C1QTNF1: variants seen among roughly 807,000 people sequenced by gnomAD.
C1QTNF1 encodes the protein C1q and TNF related 1, also known as complement C1q tumor necrosis factor-related protein 1.
A neutral mutation model predicts 27.8 loss-of-function variants in C1QTNF1; 22 were observed. That is an observed-to-expected ratio of 0.79 (90% CI 0.56 to 1.13). The LOEUF (loss-of-function observed/expected upper bound fraction) is 1.13, where lower values mean the gene tolerates loss of function less well. Among genes scored for constraint, C1QTNF1 ranks in the 50% most tolerant of loss-of-function variants. C1QTNF1 has a pLI of 0.00. For synonymous variants in C1QTNF1, 166 were observed against 154.3 expected, an observed-to-expected ratio of 1.08 and a Z score of -0.56; for missense variants, 373 against 380.2, an observed-to-expected ratio of 0.98 and a Z score of 0.16.
rs1007499706 is a variant in C1QTNF1 at position 79,037,110 on chromosome 17, C to T, written c.-14-6845C>T. Among the ~76,000 whole-genome samples, 4 of 152,044 alleles carry T rather than the reference C, an allele frequency of 2.6e-5. No individual in the cohort carries two copies. In the South Asian group the frequency reaches 8.3e-4, roughly 32 times the overall value. On this transcript the variant is annotated intron_variant, in intron 1 of 3. Transcript: ENST00000579760. ...CCCACTTATTTGTTTATTTATTCAC[C>T]ATGCCCAGCTATTTTTTTGTTTTTG...
chr17:79,038,964 G>C (rs1599295009), intron 1 of C1QTNF1, among the ~76,000 whole-genome samples: 1 of 152,218 alleles, frequency 6.6e-6, no homozygotes, highest in African/African-American at 2.4e-5. Flanking sequence ...CTTTTGAGGA[G>C]AGCCACCACC....
chr17:79,023,704 G>GCGTGCGCACACACA (rs1267428917), upstream of C1QTNF1, among the ~76,000 whole-genome samples: 32 of 145,030 alleles, frequency 2.2e-4, 1 homozygote, highest in South Asian at 7.0e-3. Flanking sequence ...GCGCGCGCGC[G>GCGTGCGCACACACA]CACACACACA....
intron 1 of C1QTNF1, among the ~76,000 whole-genome samples, chr17:79,038,925 C>T (rs1449447084): frequency 6.6e-6 from 1 of 152,208 alleles, no homozygotes; most frequent in Non-Finnish European, 1.5e-5. Flanking sequence ...AGATTTCAAC[C>T]TGGGTTTGCT....
rs1208034662 is a variant in C1QTNF1 at position 79,047,896 on chromosome 17, G to A, written c.654G>A (p.Val218=). The change falls in exon 4 of 4, where the codon GTG becomes GTA. Residue 218 remains valine (V), a synonymous_variant. Transcript: ENST00000579760. ...YLHIMKNEEE[V]VILFAQVGDR... The stretch of plus-strand genomic sequence containing the variant: ...ACATCATGAAGAACGAGGAGGAGGT[G>A]GTGATCTTGTTCGCGCAGGTGGGCG... 3.1e-6 allele frequency: 5 copies of A among 1,614,048 alleles called. No homozygotes were observed. The African/African-American group carries it at 4.0e-5, about 13-fold the overall frequency.
At chr17:79,030,455 TTTC>T (rs199642424) in intron 1 of C1QTNF1, among the ~76,000 whole-genome samples, 1,440 of 142,070 alleles carry the variant, frequency 0.01, 22 homozygotes, top group African/African-American at 0.039. Flanking sequence ...TTCTTCTTTC[TTTC>T]TTTTCTTTCT....
At chr17:79,044,806 T>G (rs1409389467) in intron 2 of C1QTNF1, among the ~76,000 whole-genome samples, 3 of 152,212 alleles carry the variant, frequency 2.0e-5, no homozygotes, top group African/African-American at 7.2e-5. Context: ...AGTCTCTTCA[T>G]TATTTTGAGC....
At chr17:79,039,927 C>T (rs2072359429) in intron 1 of C1QTNF1, among the ~76,000 whole-genome samples, 1 of 151,880 alleles carries the variant, frequency 6.6e-6, no homozygotes. Context: ...TTAACTGGTA[C>T]AAGTTTGCCA....
intron 1 of C1QTNF1, chr17:79,043,302 T>A (rs1487098935): frequency 2.2e-6 from 1 of 453,462 alleles, no homozygotes; most frequent in Non-Finnish European, 4.4e-6. Flanking sequence ...TTTGGGTATG[T>A]GTGCATGTGA....
intron 3 of C1QTNF1, chr17:79,047,246 T>TC (rs1371005994): frequency 2.8e-6 from 1 of 359,170 alleles, no homozygotes; most frequent in African/African-American, 2.1e-5. Context: ...TTCTTTTTTT[T>TC]TTTTTTTACC....
intron 1 of C1QTNF1, among the ~76,000 whole-genome samples, chr17:79,030,372 C>T (rs534313750): frequency 3.3e-4 from 49 of 149,982 alleles, no homozygotes; most frequent in African/African-American, 1.1e-3. Context: ...CCTGTATGTG[C>T]GTGTGTTTGG....
intron 1 of C1QTNF1, among the ~76,000 whole-genome samples, chr17:79,035,236 G>A (rs2145903589): frequency 6.6e-6 from 1 of 152,230 alleles, no homozygotes; most frequent in Non-Finnish European, 1.5e-5. Context: ...CAACAGGAGA[G>A]CTCTAAGCTT....
chr17:79,032,165 T>C (rs992077772), intron 1 of C1QTNF1, among the ~76,000 whole-genome samples: 8 of 152,106 alleles, frequency 5.3e-5, no homozygotes, highest in African/African-American at 1.9e-4. Context: ...TGTAGACCGG[T>C]TCGTCCGGAT....
chr17:79,039,921 C>T (rs1024995553), intron 1 of C1QTNF1, among the ~76,000 whole-genome samples: 1 of 151,910 alleles, frequency 6.6e-6, no homozygotes, highest in Non-Finnish European at 1.5e-5. Flanking sequence ...TTCCTTTTAA[C>T]TGGTACAAGT....
chr17:79,045,053 C>T (rs2072531753), intron 2 of C1QTNF1, among the ~76,000 whole-genome samples: 2 of 152,104 alleles, frequency 1.3e-5, no homozygotes, highest in Admixed American at 1.3e-4. Context: ...AGAGACAGGG[C>T]AGCGTGGTGG....
chr17:79,033,304 C>T (rs1012225907), intron 1 of C1QTNF1, among the ~76,000 whole-genome samples: 4 of 152,010 alleles, frequency 2.6e-5, no homozygotes, highest in African/African-American at 4.8e-5. Context: ...CCATGTGGCT[C>T]GTAGCCACTG....
chr17:79,028,859 C>G (rs183320605), intron 1 of C1QTNF1, among the ~76,000 whole-genome samples: 2 of 151,380 alleles, frequency 1.3e-5, no homozygotes, highest in African/African-American at 4.9e-5. Context: ...ATGGGCCACA[C>G]TGCCCAAGCC....
At chr17:79,030,435 TTCTCTC>T (rs145745132) in intron 1 of C1QTNF1, among the ~76,000 whole-genome samples, 3 of 151,520 alleles carry the variant, frequency 2.0e-5, no homozygotes, top group African/African-American at 7.3e-5. Context: ...TTTACAAACT[TTCTCTC>T]TCTTTCTTCT....
chr17:79,043,988 G>A lies in C1QTNF1; in HGVS notation c.20G>A (p.Gly7Glu), dbSNP rs770223970. 1 of 1,614,156 alleles carries A rather than the reference G, an allele frequency of 6.2e-7. No homozygotes were observed. Among genetic ancestry groups the A allele is most frequent in the Non-Finnish European group, 8.5e-7 (1 of 1,180,020 alleles). ...AGGAAGATGGGCTCCCGTGGACAGG[G>A]ACTCTTGCTGGCGTACTGCCTGCTC... MGSRGQGLLLAYCLLLA... is the reference protein window; with the variant it reads MGSRGQELLLAYCLLLA... The change falls in exon 2 of 4, where the codon GGA (glycine) becomes GAA (glutamate). Residue 7 changes from glycine (G) to glutamate (E), a missense_variant. Coordinates refer to ENST00000579760, the MANE Select transcript of C1QTNF1 (RefSeq NM_030968.5).
chr17:79,027,085 G>GT (rs1313535364), intron 1 of C1QTNF1, among the ~76,000 whole-genome samples: 1 of 151,830 alleles, frequency 6.6e-6, no homozygotes, highest in Admixed American at 6.6e-5. Context: ...CCTGGGCGGG[G>GT]GGGGGCTGTG....
Sources: allele counts gnomAD v4.1 joint callset (sites outside exome capture counted in the v4.1 genomes callset), GRCh38; gene constraint gnomAD v4.1.1; transcripts MANE v1.5; gene names NCBI Gene and HGNC (gene_info 2026-07-23, HGNC 2026-07-21).